Variants in PADI4 observed in about 807,000 individuals in gnomAD.
The protein encoded by PADI4 is protein-arginine deiminase type-4.
Under a neutral mutation model 75.0 loss-of-function variants are expected in PADI4, and 62 were observed. That is an observed-to-expected ratio of 0.83 (90% CI 0.67 to 1.02). The LOEUF (loss-of-function observed/expected upper bound fraction) is 1.02. Ranked by LOEUF, PADI4 falls within the 50% of genes least tolerant of loss-of-function variation. PADI4 has a pLI of 0.00. For synonymous variants in PADI4, 361 were observed against 348.1 expected (o/e 1.04, Z -0.41); for missense variants, 845 against 850.5 (o/e 0.99, Z 0.08).
At chr1:17,325,278 A>G (rs1228722851) in intron 1 of PADI4, among the ~76,000 whole-genome samples, 3 of 152,204 alleles carry the variant, frequency 2.0e-5, no homozygotes, top group African/African-American at 7.2e-5. Flanking sequence ...TAAAGTTTGA[A>G]TATTTTCTTC....
intron 1 of PADI4, among the ~76,000 whole-genome samples, chr1:17,316,841 C>A (rs573202897): frequency 6.6e-6 from 1 of 152,182 alleles, no homozygotes; most frequent in South Asian, 2.1e-4. Flanking sequence ...GCCGGGCATT[C>A]AGTAGAAGCT....
At chr1:17,359,254 C>CCCCG in intron 14 of PADI4, 26 bp from the exon 15 acceptor site, 1 of 1,560,574 alleles carries the variant, frequency 6.4e-7, no homozygotes, top group Non-Finnish European at 8.8e-7. Context: ...CAGTCCCCCA[C>CCCCG]TCACTGCCCC....
At chr1:17,360,180 A>G (rs1414169757) in intron 15 of PADI4, among the ~76,000 whole-genome samples, 1 of 151,990 alleles carries the variant, frequency 6.6e-6, no homozygotes, top group Admixed American at 6.6e-5. Context: ...AATCCCAACT[A>G]CTTGAGAGGC....
chr1:17,332,402 A>G (rs1040139117), intron 2 of PADI4, among the ~76,000 whole-genome samples: 9 of 152,000 alleles, frequency 5.9e-5, no homozygotes, highest in African/African-American at 2.2e-4. Context: ...ACTCGCCACC[A>G]TGCCCAGCTA....
At chr1:17,325,182 G>A (rs2074097966) in intron 1 of PADI4, among the ~76,000 whole-genome samples, 2 of 152,184 alleles carry the variant, frequency 1.3e-5, no homozygotes, top group South Asian at 4.1e-4. Flanking sequence ...ATCCATTGGA[G>A]AGAATTCATA....
At chr1:17,331,278 G>A in intron 2 of PADI4, 129 bp downstream of exon 2, 1 of 708,472 alleles carries the variant, frequency 1.4e-6, no homozygotes, top group Non-Finnish European at 2.3e-6. Flanking sequence ...GCTCGTGATG[G>A]CTTCTTCCAG....
intron 4 of PADI4, among the ~76,000 whole-genome samples, chr1:17,336,915 G>A (rs909222647): frequency 5.9e-5 from 9 of 152,270 alleles, no homozygotes; most frequent in South Asian, 2.1e-4. Context: ...AGGGGCAAAC[G>A]CTCTCCCGCG....
intron 1 of PADI4, among the ~76,000 whole-genome samples, chr1:17,320,589 A>C (rs112487759): frequency 6.6e-6 from 1 of 152,206 alleles, no homozygotes; most frequent in Non-Finnish European, 1.5e-5. Flanking sequence ...AAGCGTTGCC[A>C]TAGTATCCGT....
At chr1:17,352,227 A>AGG (rs2074674537) in intron 10 of PADI4, among the ~76,000 whole-genome samples, 2 of 136,352 alleles carry the variant, frequency 1.5e-5, no homozygotes, top group Admixed American at 6.9e-5. Flanking sequence ...GTGGTCAGGG[A>AGG]AGAGATGGGA....
At chr1:17,308,707 C>G (rs114729219) in intron 1 of PADI4, among the ~76,000 whole-genome samples, 1,895 of 152,202 alleles carry the variant, frequency 0.012, 47 homozygotes, top group African/African-American at 0.043. Flanking sequence ...GTTTGTTACC[C>G]CACATCTCTT....
intron 1 of PADI4, among the ~76,000 whole-genome samples, chr1:17,315,601 C>G (rs1464743253): frequency 6.6e-6 from 1 of 151,990 alleles, no homozygotes; most frequent in Admixed American, 6.5e-5. Flanking sequence ...TCCCAGGCCA[C>G]TGGGACATGG....
rs2074200805 is a variant in PADI4 at position 17,331,009 on chromosome 1, T to A, written c.133T>A (p.Ser45Thr). 1.3e-6 allele frequency: 2 copies of A among 1,594,140 alleles called. No homozygotes were observed. Among genetic ancestry groups the A allele is most frequent in the Admixed American group, 3.6e-5 (2 of 55,244 alleles). Residue 45 changes from serine to threonine, a missense_variant, in exon 2 of 16, where the codon TCC (serine) becomes ACC (threonine). By Grantham distance (58) the Ser-to-Thr change is moderately conservative. Transcript: ENST00000375448. The part of the protein sequence containing the change: ...EDCTSFSINA[S>T]PGVVVDIAHG... Reference sequence around the variant, plus strand: ...CTGCACGTCCTTCAGCATCAACGCCTCCCCAGGGGTGGTCGTGGATATTGC... The same window carrying A: ...CTGCACGTCCTTCAGCATCAACGCCACCCCAGGGGTGGTCGTGGATATTGC...
rs2074523689 is a variant in PADI4, at chr1:17,346,781, T to C, written c.1047+642T>C. Reference sequence around the variant, plus strand: ...TGCCGCACCCCTGCGGTGCTGTCTCTTGGACCCATCTCCCCATTCCCATCC... The same window carrying C: ...TGCCGCACCCCTGCGGTGCTGTCTCCTGGACCCATCTCCCCATTCCCATCC... On this transcript the variant is annotated intron_variant, in intron 9 of 15. Coordinates refer to ENST00000375448, the MANE Select transcript of PADI4 (RefSeq NM_012387.3). The surrounding 1 kb of genome is among the most constrained non-coding windows in gnomAD (Gnocchi z 4.3). Among the ~76,000 whole-genome samples the C allele has an allele frequency of 6.6e-6, 1 of 152,052 alleles. No homozygotes were observed. The highest frequency in any genetic ancestry group is 2.1e-4 in the South Asian group (1 of 4,826).
intron 15 of PADI4, among the ~76,000 whole-genome samples, chr1:17,360,513 C>A (rs2074833835): frequency 6.6e-6 from 1 of 152,098 alleles, no homozygotes; most frequent in African/African-American, 2.4e-5. Flanking sequence ...TCACTTATGC[C>A]AAGGGTGCTC....
intron 3 of PADI4, chr1:17,334,751 A>G (rs2074280366): frequency 1.1e-5 from 4 of 378,758 alleles, no homozygotes; most frequent in Non-Finnish European, 2.1e-5. Context: ...ACCTATACTC[A>G]TATTTATGTA....
At position 17,356,597 on chromosome 1, in the gene PADI4, G is replaced by C. The variant is rs2074764823; in HGVS notation, c.1558+138G>C. ...GCGCCAGGCACTGTGCCAAGTGCTAGGGAGACTGCATGAACAGGGCAGAAC... is the reference window on the plus strand; with the variant it reads ...GCGCCAGGCACTGTGCCAAGTGCTACGGAGACTGCATGAACAGGGCAGAAC... On this transcript the variant is annotated intron_variant, in intron 13 of 15. Transcript: ENST00000375448. This position sits in a 1 kb window ranked among gnomAD's most constrained non-coding sequence, Gnocchi z 4.1. 1.5e-5 allele frequency: 9 copies of C among 619,084 alleles called. No homozygotes were observed. The South Asian group carries it at 1.8e-4, about 12-fold the overall frequency. The allele number at this position is 619,084 out of a possible 1,614,324, so 38.3% of individuals were successfully genotyped here. A position where few individuals can be genotyped will look rare whatever the true frequency, so the allele number is the denominator to read the frequency against.
In PADI4 at chr1:17,356,510, T is replaced by G; in HGVS notation, c.1558+51T>G. On this transcript the variant is annotated intron_variant, in intron 13 of 15. Transcript: ENST00000375448. The surrounding 1 kb of genome is among the most constrained non-coding windows in gnomAD (Gnocchi z 4.1). ...TGTCTGTGCACCTTCCTGCTTCCCA[T>G]AGTCCGCTGTTGCCTGGAGGGAATC... 1 of 1,077,960 alleles carries G rather than the reference T, an allele frequency of 9.3e-7. No individual in the cohort carries two copies. The highest frequency in any genetic ancestry group is 2.4e-5 in the East Asian group (1 of 41,850). The allele number at this position is 1,077,960 out of a possible 1,614,324, so 66.8% of individuals were successfully genotyped here.
chr1:17,313,522 GGAAA>G (rs200933216), intron 1 of PADI4, among the ~76,000 whole-genome samples: 58 of 106,566 alleles, frequency 5.4e-4, no homozygotes, highest in African/African-American at 1.9e-3. Flanking sequence ...AAAAAAAAAA[GGAAA>G]GGAAGGAAAG....
At chr1:17,321,807 C>G (rs1284296784) in intron 1 of PADI4, among the ~76,000 whole-genome samples, 1 of 152,110 alleles carries the variant, frequency 6.6e-6, no homozygotes, top group Non-Finnish European at 1.5e-5. Context: ...AGTTAAGGAC[C>G]CGTGTCTGGG....
Sources: allele counts gnomAD v4.1 joint callset (sites outside exome capture counted in the v4.1 genomes callset), GRCh38; gene constraint gnomAD v4.1.1; non-coding constraint Gnocchi (gnomAD v3.1); transcripts MANE v1.5; gene names NCBI Gene and HGNC (gene_info 2026-07-23, HGNC 2026-07-21).